The following ASAP2 variants were observed in gnomAD, a reference collection of about 807,000 sequenced individuals.
ASAP2 encodes the protein arf-GAP with SH3 domain, ANK repeat and PH domain-containing protein 2.
In ASAP2, 45 loss-of-function variants were observed where a neutral mutation model predicts 131.4. That is an observed-to-expected ratio of 0.34 (90% confidence interval 0.27 to 0.44). The LOEUF (loss-of-function observed/expected upper bound fraction) is 0.44. Among genes scored for constraint, ASAP2 ranks in the 20% least tolerant of loss-of-function variants. ASAP2 has a pLI of 1.00. For missense variants in ASAP2, 1,011 were observed against 1,297.0 expected (o/e 0.78, Z 3.39); for synonymous variants, 510 against 503.0 (o/e 1.01, Z -0.19).
chr2:9,306,308 G>A (rs916556577), intron 3 of ASAP2, among the ~76,000 whole-genome samples: 3 of 151,746 alleles, frequency 2.0e-5, no homozygotes, highest in East Asian at 1.9e-4. Flanking sequence ...AGTAGTGGGG[G>A]TTGTGAGTGA....
At chr2:9,226,780 G>T (rs757199050) in intron 1 of ASAP2, among the ~76,000 whole-genome samples, 5 of 152,198 alleles carry the variant, frequency 3.3e-5, no homozygotes, top group African/African-American at 1.2e-4. Context: ...CTAGCAAACG[G>T]TGTGCTCTTC....
chr2:9,253,673 C>A (rs1057456084), intron 1 of ASAP2, among the ~76,000 whole-genome samples: 1 of 152,100 alleles, frequency 6.6e-6, no homozygotes, highest in Non-Finnish European at 1.5e-5. Flanking sequence ...GGGTATGTAA[C>A]CTTTTGTGTA....
intron 2 of ASAP2, among the ~76,000 whole-genome samples, chr2:9,293,043 A>G (rs1400092494): frequency 6.6e-6 from 1 of 152,238 alleles, no homozygotes; most frequent in Non-Finnish European, 1.5e-5. Context: ...TTTTGTATCC[A>G]GCAATTTTTG....
intron 24 of ASAP2, among the ~76,000 whole-genome samples, chr2:9,397,748 ATATTTT>A (rs1676272390): frequency 4.6e-5 from 3 of 65,748 alleles, no homozygotes; most frequent in African/African-American, 1.2e-4. Flanking sequence ...ATATATATAT[ATATTTT>A]TTTTTTTTTT....
At chr2:9,241,540 G>A (rs1204398697) in intron 1 of ASAP2, among the ~76,000 whole-genome samples, 1 of 152,152 alleles carries the variant, frequency 6.6e-6, no homozygotes, top group Non-Finnish European at 1.5e-5. Flanking sequence ...CCAGGAGTTC[G>A]AGACCAGCCT....
intron 3 of ASAP2, among the ~76,000 whole-genome samples, chr2:9,297,815 T>A (rs1668238543): frequency 1.3e-5 from 2 of 152,232 alleles, no homozygotes; most frequent in South Asian, 4.1e-4. Flanking sequence ...TAAATATGTT[T>A]CAGGCCCATC....
intron 1 of ASAP2, among the ~76,000 whole-genome samples, chr2:9,246,478 G>A (rs955323634): frequency 1.3e-5 from 2 of 152,084 alleles, no homozygotes; most frequent in Non-Finnish European, 2.9e-5. Flanking sequence ...TTTTTGTAGA[G>A]ACGGAGTATC....
At chr2:9,292,945 C>T (rs1322455827) in intron 2 of ASAP2, among the ~76,000 whole-genome samples, 3 of 152,224 alleles carry the variant, frequency 2.0e-5, no homozygotes, top group Non-Finnish European at 4.4e-5. Flanking sequence ...CTTGCTTCCT[C>T]ACTGTGCTGT....
intron 9 of ASAP2, among the ~76,000 whole-genome samples, chr2:9,337,798 T>A (rs936073698): frequency 6.6e-6 from 1 of 152,224 alleles, no homozygotes; most frequent in East Asian, 1.9e-4. Flanking sequence ...CCATTCATGT[T>A]TTGTTCTTGA....
rs377081497 is a variant in ASAP2 at position 9,391,307 on chromosome 2, C to T, written c.2518+111C>T. 6.2e-5 allele frequency: 88 copies of T among 1,428,388 alleles called. 1 individual carries two copies. The South Asian group carries it at 6.2e-4, about 10-fold the overall frequency. 88.5% of individuals were successfully genotyped at this position (1,428,388 alleles called of 1,614,324 possible). On this transcript the variant is annotated intron_variant, in intron 23 of 27. Transcript: ENST00000281419. ...CAGCACAGACACGTGCCAAGTGCCC[C>T]GTGTTGTATGGCTCCCTGTGGCTCT...
intron 21 of ASAP2, 75 bp from the exon 22 acceptor site, chr2:9,388,218 AC>A (rs1351435889): frequency 1.8e-5 from 29 of 1,572,818 alleles, no homozygotes; most frequent in Non-Finnish European, 2.4e-5. Context: ...TGAGGTTTTC[AC>A]CCCTGTGTTG....
At chr2:9,213,356 G>A (rs765517181) in intron 1 of ASAP2, among the ~76,000 whole-genome samples, 21 of 152,182 alleles carry the variant, frequency 1.4e-4, no homozygotes, top group Non-Finnish European at 2.6e-4. Context: ...GATGAGAGAC[G>A]GGCAGAGGGG....
At chr2:9,333,293 G>T (rs756527015) in intron 7 of ASAP2, among the ~76,000 whole-genome samples, 1 of 152,150 alleles carries the variant, frequency 6.6e-6, no homozygotes, top group Non-Finnish European at 1.5e-5. Context: ...CAAACTTTGC[G>T]GGTACTTTGT....
At chr2:9,284,154 C>T (rs980947952) in intron 2 of ASAP2, among the ~76,000 whole-genome samples, 5 of 152,222 alleles carry the variant, frequency 3.3e-5, no homozygotes, top group African/African-American at 1.2e-4. Flanking sequence ...TGCCAAGTAG[C>T]ATAACGTACT....
At position 9,404,851 on chromosome 2, in the gene ASAP2, GT is replaced by G; in HGVS notation, c.*1525del. On this transcript the variant is annotated 3_prime_UTR_variant, in exon 28 of 28. Transcript: ENST00000281419. The stretch of plus-strand genomic sequence containing the variant: ...CGCTTTTTACCTTTCAAAGTTCCGG[GT>G]AAAAATGTGTTATATCTGTAGTTTT... The G allele has an allele frequency of 6.6e-6, 1 of 152,274 alleles. No individual in the cohort carries two copies. The allele number at this position is 152,274 out of a possible 1,614,324, so 9.4% of individuals were successfully genotyped here.
intron 1 of ASAP2, among the ~76,000 whole-genome samples, chr2:9,256,945 G>C (rs1292392985): frequency 2.0e-5 from 3 of 152,314 alleles, no homozygotes; most frequent in Admixed American, 1.3e-4. Context: ...GGGCTGGGAG[G>C]GGGCAGCACA....
At chr2:9,307,034 G>A (rs1247962970) in intron 3 of ASAP2, among the ~76,000 whole-genome samples, 1 of 152,188 alleles carries the variant, frequency 6.6e-6, no homozygotes, top group Non-Finnish European at 1.5e-5. Flanking sequence ...CTGGAGCAGA[G>A]GTCCTCCAAG....
At chr2:9,385,404 C>G (rs1413239784) in intron 21 of ASAP2, 46 bp downstream of exon 21, 3 of 1,436,510 alleles carry the variant, frequency 2.1e-6, no homozygotes, top group Admixed American at 1.7e-5. Flanking sequence ...TCAGCTTCAT[C>G]CAGAACAGTG....
intron 26 of ASAP2, 76 bp from the exon 27 acceptor site, chr2:9,401,198 G>T (rs765367992): frequency 1.1e-4 from 168 of 1,574,980 alleles, no homozygotes; most frequent in Non-Finnish European, 1.4e-4. Context: ...ACCGGGGAAG[G>T]CAGGGTGCTT....
Sources: gnomAD v4.1 joint callset for allele counts (sites outside exome capture counted in the v4.1 genomes callset) on GRCh38, gnomAD v4.1.1 for gene constraint, MANE v1.5 for transcripts, NCBI Gene and HGNC (gene_info 2026-07-23, HGNC 2026-07-21) for gene names.